The following LNP1 variants were observed in gnomAD, a reference collection of about 807,000 sequenced individuals.
The protein encoded by LNP1 is leukemia NUP98 fusion partner 1.
LNP1 carries 12 observed loss-of-function variants against 14.5 expected under a neutral mutation model. The ratio of observed to expected loss-of-function variants is 0.83; its 90% CI spans 0.53 to 1.34. LNP1 has a LOEUF of 1.34. Ranked by LOEUF, LNP1 falls within the 40% of genes most tolerant of loss-of-function variation. The pLI, the probability that LNP1 is intolerant of heterozygous loss-of-function variation, is 0.00. For missense variants in LNP1, 198 were observed against 210.9 expected, an observed-to-expected ratio of 0.94 and a Z score of 0.38; for synonymous variants, 75 against 71.4, an observed-to-expected ratio of 1.05 and a Z score of -0.26.
intron 2 of LNP1, among the ~76,000 whole-genome samples, chr3:100,446,293 C>G (rs937788497): frequency 1.3e-5 from 2 of 152,146 alleles, no homozygotes; most frequent in African/African-American, 2.4e-5. Flanking sequence ...CGAAATAACA[C>G]CACACATCTA....
chr3:100,443,009 G>A (rs1023917903), intron 2 of LNP1, among the ~76,000 whole-genome samples: 11 of 152,106 alleles, frequency 7.2e-5, no homozygotes, highest in Admixed American at 3.3e-4. Flanking sequence ...ATCAATATTG[G>A]TCACATTACT....
intron 1 of LNP1, among the ~76,000 whole-genome samples, chr3:100,409,557 TACACACACACACAC>T (rs35651277): frequency 2.4e-4 from 30 of 126,362 alleles, no homozygotes; most frequent in African/African-American, 8.2e-4. Context: ...TATATATACA[TACACACACACACAC>T]ACACACACAC....
rs925347843 is a variant in LNP1, at chr3:100,448,210, C to G, written c.157-3509C>G. On this transcript the variant is annotated intron_variant, in intron 2 of 3. Transcript: ENST00000383693. The stretch of plus-strand genomic sequence containing the variant: ...TCACTGACTCCATCTTGCTTTTAAC[C>G]TCCTTTTAAGCTGTTCTTGTTTATT... Among the ~76,000 whole-genome samples, 7 of 152,206 alleles carry G rather than the reference C, an allele frequency of 4.6e-5. No individual in the cohort carries two copies. In the East Asian group the frequency reaches 1.3e-3, roughly 29 times the overall value.
At chr3:100,433,886 A>G (rs1263555851) in intron 2 of LNP1, among the ~76,000 whole-genome samples, 1 of 152,016 alleles carries the variant, frequency 6.6e-6, no homozygotes, top group African/African-American at 2.4e-5. Flanking sequence ...GTCTGTTCAT[A>G]TCTTTGCCCA....
At chr3:100,403,061 A>G (rs1472533476) in intron 1 of LNP1, among the ~76,000 whole-genome samples, 3 of 152,144 alleles carry the variant, frequency 2.0e-5, no homozygotes, top group Admixed American at 2.0e-4. Context: ...TTTCTCCTCC[A>G]TTTCCTAATT....
intron 1 of LNP1, among the ~76,000 whole-genome samples, chr3:100,416,507 C>T (rs994539821): frequency 6.6e-6 from 1 of 151,712 alleles, no homozygotes; most frequent in Non-Finnish European, 1.5e-5. Context: ...AGGCCATAAT[C>T]TGGGTGTTCA....
chr3:100,454,872 T>C (rs1707495030), intron 3 of LNP1, among the ~76,000 whole-genome samples: 1 of 152,232 alleles, frequency 6.6e-6, no homozygotes, highest in African/African-American at 2.4e-5. Context: ...CACTCACCAC[T>C]GCTTAACTTC....
chr3:100,408,935 G>T (rs1344947190), intron 1 of LNP1, among the ~76,000 whole-genome samples: 1 of 152,054 alleles, frequency 6.6e-6, no homozygotes, highest in East Asian at 1.9e-4. Flanking sequence ...CTTAGCTCTC[G>T]TGAAGGTATT....
intron 2 of LNP1, among the ~76,000 whole-genome samples, chr3:100,447,056 C>G (rs1444207267): frequency 2.0e-5 from 3 of 152,124 alleles, no homozygotes; most frequent in Non-Finnish European, 4.4e-5. Flanking sequence ...CCTCAAGGAT[C>G]TAGAACTAGA....
chr3:100,452,104 G>C (rs1390941897), intron 3 of LNP1, among the ~76,000 whole-genome samples, 155 bp downstream of exon 3: 1 of 151,702 alleles, frequency 6.6e-6, no homozygotes, highest in Non-Finnish European at 1.5e-5. Context: ...ACATAACCCA[G>C]AATGAATTTT....
chr3:100,409,609 T>G (rs199497603), intron 1 of LNP1, among the ~76,000 whole-genome samples: 1 of 125,142 alleles, frequency 8.0e-6, no homozygotes, highest in African/African-American at 3.2e-5. Context: ...TATATATATT[T>G]TTTTTTTTTT....
At chr3:100,429,933 G>A (rs1316622395) in intron 2 of LNP1, 48 bp downstream of exon 2, 1 of 1,565,948 alleles carries the variant, frequency 6.4e-7, no homozygotes, top group South Asian at 1.2e-5. Flanking sequence ...ATAGGGGAGG[G>A]GGTTTCTCTT....
chr3:100,414,442 G>T (rs1275713819), intron 1 of LNP1, among the ~76,000 whole-genome samples: 5 of 152,024 alleles, frequency 3.3e-5, no homozygotes, highest in Non-Finnish European at 7.4e-5. Flanking sequence ...AGCTACTTGG[G>T]AGACCGAGGC....
At chr3:100,416,597 TTTTGTG>T (rs1464590038) in intron 1 of LNP1, among the ~76,000 whole-genome samples, 15,352 of 110,536 alleles carry the variant, frequency 0.14, 958 homozygotes, top group East Asian at 0.25. Flanking sequence ...AGTATATCTT[TTTTGTG>T]TGTGTGTGTG....
intron 1 of LNP1, among the ~76,000 whole-genome samples, chr3:100,424,332 A>C (rs757407778): frequency 5.3e-5 from 8 of 152,198 alleles, no homozygotes; most frequent in Non-Finnish European, 7.3e-5. Context: ...CTCATGGCTA[A>C]GATTTATTAT....
At chr3:100,453,329 C>T (rs773863337) in intron 3 of LNP1, among the ~76,000 whole-genome samples, 8 of 151,896 alleles carry the variant, frequency 5.3e-5, no homozygotes, top group Non-Finnish European at 1.0e-4. Context: ...TCCTGTAATC[C>T]CAGCACTTTG....
intron 3 of LNP1, among the ~76,000 whole-genome samples, chr3:100,452,808 T>A (rs181219496): frequency 5.3e-4 from 80 of 152,130 alleles, no homozygotes; most frequent in Admixed American, 3.2e-3. Context: ...AAGAATAGAA[T>A]CTCCACTGGT....
chr3:100,417,233 G>T (rs1209986203), intron 1 of LNP1, among the ~76,000 whole-genome samples: 21 of 151,716 alleles, frequency 1.4e-4, no homozygotes, highest in Admixed American at 1.4e-3. Flanking sequence ...CCCTATCTCT[G>T]CCCAGGTTCC....
intron 2 of LNP1, among the ~76,000 whole-genome samples, chr3:100,436,329 T>C (rs77053619): frequency 0.011 from 1,726 of 152,264 alleles, 26 homozygotes; most frequent in African/African-American, 0.03. Flanking sequence ...TACAACGAGG[T>C]GCATCTGACC....
Sources: gnomAD v4.1 joint callset for allele counts (sites outside exome capture counted in the v4.1 genomes callset) on GRCh38, gnomAD v4.1.1 for gene constraint, MANE v1.5 for transcripts, NCBI Gene and HGNC (gene_info 2026-07-23, HGNC 2026-07-21) for gene names.